The following IFT57 variants were observed in gnomAD, a reference collection of about 807,000 sequenced individuals.
IFT57 encodes intraflagellar transport 57, also known as intraflagellar transport protein 57 homolog.
IFT57 carries 59 observed loss-of-function variants against 56.8 expected under a neutral mutation model. The observed-to-expected ratio is 1.04, with a 90% CI of 0.84 to 1.29. The LOEUF is 1.29. IFT57 is among the 50% of genes most tolerant of loss of function. The pLI is 0.00. For synonymous variants in IFT57, 209 were observed against 186.1 expected (o/e 1.12, Z -1.00); for missense variants, 470 against 522.1 (o/e 0.90, Z 0.97).
intron 7 of IFT57, 48 bp downstream of exon 7, chr3:108,167,745 C>T (rs745644904): frequency 2.2e-5 from 28 of 1,292,628 alleles, no homozygotes; most frequent in Non-Finnish European, 3.0e-5. Flanking sequence ...AACAGGTGTT[C>T]CACAGATGAG....
At chr3:108,194,879 C>T (rs776537257) in intron 5 of IFT57, among the ~76,000 whole-genome samples, 9 of 151,940 alleles carry the variant, frequency 5.9e-5, no homozygotes, top group Non-Finnish European at 1.3e-4. Context: ...CATGAAAACA[C>T]TGGGGAAACA....
intron 5 of IFT57, among the ~76,000 whole-genome samples, chr3:108,196,690 G>A (rs1262778136): frequency 6.6e-6 from 1 of 152,092 alleles, no homozygotes; most frequent in Admixed American, 6.5e-5. Flanking sequence ...CTCACTCGTA[G>A]GCCATAATTA....
rs756937631 is a variant in IFT57, at chr3:108,219,394, G to A, written c.375+16C>T. 16 of 1,601,372 alleles carry A rather than the reference G, an allele frequency of 1.0e-5. 1 individual carries two copies. In the South Asian group the frequency reaches 1.4e-4, roughly 14 times the overall value. ...TAACTTGAGAACAAGGAAAAAGAAG[G>A]GTCGTTTACACTTACAAATGACCGA... On this transcript the variant is annotated intron_variant, in intron 2 of 10. Coordinates refer to ENST00000264538, the MANE Select transcript of IFT57 (RefSeq NM_018010.4).
At chr3:108,194,733 T>C (rs1219555354) in intron 5 of IFT57, among the ~76,000 whole-genome samples, 1 of 152,078 alleles carries the variant, frequency 6.6e-6, no homozygotes, top group Non-Finnish European at 1.5e-5. Flanking sequence ...AGAACATACA[T>C]TGTGGAAAGG....
At chr3:108,170,853 C>T (rs1270719579) in intron 6 of IFT57, among the ~76,000 whole-genome samples, 1 of 151,934 alleles carries the variant, frequency 6.6e-6, no homozygotes, top group African/African-American at 2.4e-5. Flanking sequence ...CACCACACAT[C>T]TACAACCATC....
At chr3:108,221,130 C>T (rs1256375757) in intron 1 of IFT57, among the ~76,000 whole-genome samples, 1 of 152,020 alleles carries the variant, frequency 6.6e-6, no homozygotes, top group Admixed American at 6.6e-5. Context: ...TTAATATGAA[C>T]AGTTTATATC....
chr3:108,173,467 T>C (rs1482538160), intron 6 of IFT57, among the ~76,000 whole-genome samples: 1 of 151,820 alleles, frequency 6.6e-6, no homozygotes. Flanking sequence ...AAGCTAAAAA[T>C]ATCCAGTCAA....
At chr3:108,195,513 T>C (rs1432733499) in intron 5 of IFT57, among the ~76,000 whole-genome samples, 1 of 152,184 alleles carries the variant, frequency 6.6e-6, no homozygotes, top group East Asian at 1.9e-4. Context: ...AAGAGAAATC[T>C]GCATTCGCAT....
At chr3:108,179,335 G>A (rs1032665716) in intron 6 of IFT57, among the ~76,000 whole-genome samples, 2 of 151,872 alleles carry the variant, frequency 1.3e-5, no homozygotes, top group African/African-American at 4.8e-5. Flanking sequence ...AATCTGAATG[G>A]CAGAAAATCA....
chr3:108,189,833 CTTATG>C (rs1192964658), intron 6 of IFT57, among the ~76,000 whole-genome samples: 5 of 151,952 alleles, frequency 3.3e-5, no homozygotes, highest in Non-Finnish European at 7.4e-5. Context: ...ACACGTATTC[CTTATG>C]TTATATGTAT....
At position 108,219,588 on chromosome 3, in the gene IFT57, G is replaced by A; in HGVS notation, c.213-16C>T. On this transcript the variant is annotated splice_polypyrimidine_tract_variant and intron_variant, in intron 1 of 10. Transcript: ENST00000264538. ...AAAATAGTGTCTGTTTCAAAACAAG[G>A]AGGAATGGGGGCGGATGTGAAATAA... is the stretch of plus-strand genomic sequence containing the variant. 19 of 1,611,510 alleles carry A rather than the reference G, an allele frequency of 1.2e-5. No homozygotes were observed. The highest frequency in any genetic ancestry group is 1.6e-5 in the Non-Finnish European group (19 of 1,177,790).
rs1429042833 is a variant in IFT57, at chr3:108,200,259, A to G, written c.654+6369T>C. Among the ~76,000 whole-genome samples the G allele has an allele frequency of 2.6e-5, 4 of 152,182 alleles. No individual in the cohort carries two copies. In the East Asian group the frequency reaches 7.7e-4, roughly 29 times the overall value. ...GATTGAAAGAGGAAGACCAAAGACT[A>G]TTTAGAGCATTACTGTCATATAATC... is the stretch of plus-strand genomic sequence containing the variant. On this transcript the variant is annotated intron_variant, in intron 5 of 10. Coordinates refer to ENST00000264538, the MANE Select transcript of IFT57 (RefSeq NM_018010.4).
intron 5 of IFT57, among the ~76,000 whole-genome samples, chr3:108,203,230 A>G (rs553433865): frequency 6.6e-6 from 1 of 152,322 alleles, no homozygotes; most frequent in South Asian, 2.1e-4. Context: ...CCCGTATCAC[A>G]GCATGACTTC....
chr3:108,190,844 G>C (rs2080211294), intron 6 of IFT57, among the ~76,000 whole-genome samples: 1 of 152,128 alleles, frequency 6.6e-6, no homozygotes, highest in Admixed American at 6.5e-5. Context: ...CCAGGCTGGA[G>C]TGCAGTGGTG....
intron 5 of IFT57, among the ~76,000 whole-genome samples, chr3:108,198,510 C>T (rs1421376011): frequency 6.6e-6 from 1 of 152,070 alleles, no homozygotes; most frequent in African/African-American, 2.4e-5. Flanking sequence ...GGCATGATCT[C>T]GGCTCACTGC....
At chr3:108,177,452 A>G (rs1012519360) in intron 6 of IFT57, among the ~76,000 whole-genome samples, 4 of 151,800 alleles carry the variant, frequency 2.6e-5, no homozygotes, top group African/African-American at 4.8e-5. Context: ...TACAGACATA[A>G]AAGTCTTAAA....
At chr3:108,166,387 T>C (rs2080063117) in intron 8 of IFT57, among the ~76,000 whole-genome samples, 1 of 152,122 alleles carries the variant, frequency 6.6e-6, no homozygotes, top group Non-Finnish European at 1.5e-5. Flanking sequence ...TCTCATTTTA[T>C]TAATTAAACT....
chr3:108,174,466 C>T (rs1261920804), intron 6 of IFT57, among the ~76,000 whole-genome samples: 2 of 151,516 alleles, frequency 1.3e-5, no homozygotes, highest in South Asian at 2.1e-4. Flanking sequence ...AGTAGAGAAT[C>T]CATTAGATTA....
chr3:108,169,870 T>C (rs1462916510), intron 6 of IFT57, among the ~76,000 whole-genome samples: 2 of 151,914 alleles, frequency 1.3e-5, no homozygotes, highest in Non-Finnish European at 2.9e-5. Flanking sequence ...ATGTAATCCA[T>C]CACATAAACA....
Sources: allele counts gnomAD v4.1 joint callset (sites outside exome capture counted in the v4.1 genomes callset), GRCh38; gene constraint gnomAD v4.1.1; transcripts MANE v1.5; gene names NCBI Gene and HGNC (gene_info 2026-07-23, HGNC 2026-07-21).